The following CCDC102A variants were observed in gnomAD, a reference collection of about 807,000 sequenced individuals.
CCDC102A encodes coiled-coil domain containing 102A.
CCDC102A carries 40 observed loss-of-function variants against 55.5 expected under a neutral mutation model. The ratio of observed to expected loss-of-function variants is 0.72; its 90% CI spans 0.56 to 0.94. The LOEUF (loss-of-function observed/expected upper bound fraction) is 0.94, where lower values mean the gene tolerates loss of function less well. Ranked by LOEUF, CCDC102A falls within the 40% of genes least tolerant of loss-of-function variation. CCDC102A has a pLI of 0.00. For missense variants in CCDC102A, 779 were observed against 768.6 expected, an observed-to-expected ratio of 1.01 and a Z score of -0.16; for synonymous variants, 323 against 339.0, an observed-to-expected ratio of 0.95 and a Z score of 0.52.
In CCDC102A at chr16:57,526,041, GC is replaced by G; in HGVS notation, c.671del (p.Gly224AlafsTer29). 3 of 1,594,474 alleles carry G rather than the reference GC, an allele frequency of 1.9e-6. No individual in the cohort carries two copies. The highest frequency in any genetic ancestry group is 1.8e-5 in the Admixed American group (1 of 56,530). On this transcript the variant is annotated frameshift_variant, in exon 3 of 9. Coordinates refer to ENST00000258214, the MANE Select transcript of CCDC102A (RefSeq NM_033212.4). LOFTEE classifies it high-confidence loss of function. ...CCTGGCGGCCTGAGCTGCCCCGCGGGCCCCCAGCCCCCAGGCTGCGCGCCTC... is the reference window on the plus strand; with the variant it reads ...CCTGGCGGCCTGAGCTGCCCCGCGGGCCCCAGCCCCCAGGCTGCGCGCCTC... ...CWEARSLGAG[G>X]PRGSSGRQER...
At position 57,526,038 on chromosome 16, in the gene CCDC102A, C is replaced by T. The variant is rs780894132; in HGVS notation, c.675G>A (p.Pro225=). Residue 225 remains proline, a synonymous_variant, in exon 3 of 9, where the codon CCG becomes CCA. Coordinates refer to ENST00000258214, the MANE Select transcript of CCDC102A (RefSeq NM_033212.4). The part of the protein sequence containing the change: ...WEARSLGAGG[P]RGSSGRQERS... ...GCTCCTGGCGGCCTGAGCTGCCCCGCGGGCCCCCAGCCCCCAGGCTGCGCG... is the reference window on the plus strand; with the variant it reads ...GCTCCTGGCGGCCTGAGCTGCCCCGTGGGCCCCCAGCCCCCAGGCTGCGCG... 36 of 1,596,886 alleles carry T rather than the reference C, an allele frequency of 2.3e-5. No homozygotes were observed. The highest frequency in any genetic ancestry group is 2.7e-5 in the African/African-American group (2 of 74,306).
In CCDC102A at chr16:57,515,564, G is replaced by A. The variant is rs2031941909; in HGVS notation, c.1420-120C>T. The A allele has an allele frequency of 4.3e-6, 3 of 689,870 alleles. No homozygotes were observed. In the East Asian group the frequency reaches 8.1e-5, roughly 19 times the overall value. The allele number at this position is 689,870 out of a possible 1,614,324, so 42.7% of individuals were successfully genotyped here. A position where few individuals can be genotyped will look rare whatever the true frequency, so the allele number is the denominator to read the frequency against. ...GGAAGGTGCTCCTCCGAGAGTGTTT[G>A]CTCCTTGAGGCCTAGGCTAAGGCTT... On this transcript the variant is annotated intron_variant, in intron 7 of 8. Coordinates refer to ENST00000258214, the MANE Select transcript of CCDC102A (RefSeq NM_033212.4).
intron 3 of CCDC102A, among the ~76,000 whole-genome samples, chr16:57,521,835 G>A (rs1287103491): frequency 1.3e-5 from 2 of 152,170 alleles, no homozygotes; most frequent in African/African-American, 4.8e-5. Context: ...CTTCCAGCAC[G>A]CTGCCCTTCA....
At chr16:57,517,891 A>G (rs1193482214) in intron 6 of CCDC102A, among the ~76,000 whole-genome samples, 177 bp downstream of exon 6, 2 of 152,372 alleles carry the variant, frequency 1.3e-5, no homozygotes, top group South Asian at 4.1e-4. Flanking sequence ...AGCTTGGCAC[A>G]TAGTAAGTGC....
At chr16:57,526,839 T>G (rs1426498986) in intron 2 of CCDC102A, among the ~76,000 whole-genome samples, 3 of 152,170 alleles carry the variant, frequency 2.0e-5, no homozygotes, top group African/African-American at 4.8e-5. Flanking sequence ...GAGTGAGAGC[T>G]ACTCTTCTGT....
At position 57,512,798 on chromosome 16, in the gene CCDC102A, G is replaced by C. The variant is rs535657917; in HGVS notation, c.1596C>G (p.Ala532=). ...CGTCCAGGTCACTGGTTCCATCCTC[G>C]GCCTCCTCGGTGCCAAAGCGAGCAC... ...IRSARFGTEE[A]EDGTSDLDED... is the part of the protein sequence containing the mutation. The change falls in exon 9 of 9, where the codon GCC becomes GCG. Residue 532 remains alanine, a synonymous_variant. Coordinates refer to ENST00000258214, the MANE Select transcript of CCDC102A (RefSeq NM_033212.4). 1.4e-5 allele frequency: 23 copies of C among 1,613,958 alleles called. No homozygotes were observed. Among genetic ancestry groups the C allele is most frequent in the Non-Finnish European group, 1.9e-5 (22 of 1,179,962 alleles).
chr16:57,512,599 G>A lies in CCDC102A; in HGVS notation c.*142C>T, dbSNP rs1230571611. On this transcript the variant is annotated 3_prime_UTR_variant, in exon 9 of 9. Coordinates refer to ENST00000258214, the MANE Select transcript of CCDC102A (RefSeq NM_033212.4). ...GGCGTTGGTAGGTGGGACTGTTGAC[G>A]CCATCCCTGGGAGAGAAGAAAGTCG... is the stretch of plus-strand genomic sequence containing the variant. 19 of 1,027,188 alleles carry A rather than the reference G, an allele frequency of 1.8e-5. No homozygotes were observed. Among genetic ancestry groups the A allele is most frequent in the South Asian group, 8.4e-5 (5 of 59,752 alleles). 63.6% of individuals were successfully genotyped at this position (1,027,188 alleles called of 1,614,324 possible). A position where few individuals can be genotyped will look rare whatever the true frequency, so the allele number is the denominator to read the frequency against.
In CCDC102A at chr16:57,528,835, G is replaced by A. The variant is rs752967457; in HGVS notation, c.343C>T (p.Arg115Cys). 5.4e-6 allele frequency: 7 copies of A among 1,295,388 alleles called. No homozygotes were observed. Among genetic ancestry groups the A allele is most frequent in the Non-Finnish European group, 6.9e-6 (7 of 1,010,474 alleles). 80.2% of individuals were successfully genotyped at this position (1,295,388 alleles called of 1,614,324 possible). A position where few individuals can be genotyped will look rare whatever the true frequency, so the allele number is the denominator to read the frequency against. ...CGCACCTCCTCGCGCGCGCGGTTGC[G>A]CTCAGCGCGCACCTTGCTCCATTTC... ...REKWSKVRAERNRAREEVRQL... is the reference protein window; with the variant it reads ...REKWSKVRAECNRAREEVRQL... The change falls in exon 2 of 9, where the codon CGC (arginine) becomes TGC (cysteine). Residue 115 changes from arginine (R) to cysteine (C), a missense_variant. Arg to Cys is a radical substitution (Grantham distance 180). Coordinates refer to ENST00000258214, the MANE Select transcript of CCDC102A (RefSeq NM_033212.4).
chr16:57,528,844 G>T lies in CCDC102A; in HGVS notation c.334C>A (p.Arg112Ser). ...ANWREKWSKV[R>S]AERNRAREEV... ...TCGCGCGCGCGGTTGCGCTCAGCGC[G>T]CACCTTGCTCCATTTCTCGCGCCAA... Residue 112 changes from arginine (R) to serine (S), a missense_variant, in exon 2 of 9, where the codon CGC (arginine) becomes AGC (serine). Transcript: ENST00000258214. 1 of 1,327,526 alleles carries T rather than the reference G, an allele frequency of 7.5e-7. No individual in the cohort carries two copies. The highest frequency in any genetic ancestry group is 9.7e-7 in the Non-Finnish European group (1 of 1,029,176). The allele number at this position is 1,327,526 out of a possible 1,614,324, so 82.2% of individuals were successfully genotyped here.
chr16:57,530,684 G>A (rs1157080923), intron 1 of CCDC102A, among the ~76,000 whole-genome samples: 1 of 152,050 alleles, frequency 6.6e-6, no homozygotes, highest in Non-Finnish European at 1.5e-5. Flanking sequence ...CCTTCCTTGA[G>A]CCGAAGGCCT....
At chr16:57,527,411 G>T (rs1044921505) in intron 2 of CCDC102A, among the ~76,000 whole-genome samples, 1 of 127,448 alleles carries the variant, frequency 7.8e-6, no homozygotes, top group Non-Finnish European at 1.6e-5. Flanking sequence ...GGCAGACATT[G>T]CTGCTGCTTT....
At position 57,528,649 on chromosome 16, in the gene CCDC102A, C is replaced by A; in HGVS notation, c.529G>T (p.Glu177Ter). 8.4e-7 allele frequency: 1 copy of A among 1,196,558 alleles called. No individual in the cohort carries two copies. The highest frequency in any genetic ancestry group is 1.0e-6 in the Non-Finnish European group (1 of 959,168). The allele number at this position is 1,196,558 out of a possible 1,614,324, so 74.1% of individuals were successfully genotyped here. ...TCACGCACTGGCTCGCGCTCCGCTT[C>A]CGGCTCGGGGCCGTCGCGCGTCTGG... ...ADQTRDGPEP[E>*]AEREPVRDVG... Residue 177 changes from glutamate (E) to a stop codon, truncating the protein, a stop_gained, in exon 2 of 9, where the codon GAA (glutamate) becomes TAA (stop). Transcript: ENST00000258214. LOFTEE classifies it high-confidence loss of function.
At chr16:57,521,844 C>T (rs2032057013) in intron 3 of CCDC102A, among the ~76,000 whole-genome samples, 1 of 152,240 alleles carries the variant, frequency 6.6e-6, no homozygotes, top group African/African-American at 2.4e-5. Context: ...CGCTGCCCTT[C>T]ATGACCCCAC....
At position 57,528,527 on chromosome 16, in the gene CCDC102A, A is replaced by G. The variant is rs1226461999; in HGVS notation, c.585+66T>C. 9 of 1,059,994 alleles carry G rather than the reference A, an allele frequency of 8.5e-6. No homozygotes were observed. In the South Asian group the frequency reaches 1.5e-4, roughly 18 times the overall value. 65.7% of individuals were successfully genotyped at this position (1,059,994 alleles called of 1,614,324 possible). A position where few individuals can be genotyped will look rare whatever the true frequency, so the allele number is the denominator to read the frequency against. On this transcript the variant is annotated intron_variant, in intron 2 of 8. Coordinates refer to ENST00000258214, the MANE Select transcript of CCDC102A (RefSeq NM_033212.4). ...TTACTAGCTTGTTTCTGAGCCCAGC[A>G]GCTCAGGACAATCGGCCCCGCCCAC... is the stretch of plus-strand genomic sequence containing the variant.
chr16:57,520,375 C>T (rs894024836), intron 4 of CCDC102A, among the ~76,000 whole-genome samples: 1 of 152,088 alleles, frequency 6.6e-6, no homozygotes, highest in African/African-American at 2.4e-5. Flanking sequence ...CTTCTTAGGC[C>T]TTCCCTGACC....
At chr16:57,530,787 T>G (rs1361492071) in intron 1 of CCDC102A, among the ~76,000 whole-genome samples, 1 of 151,912 alleles carries the variant, frequency 6.6e-6, no homozygotes, top group Non-Finnish European at 1.5e-5. Context: ...TCCCCTCCCC[T>G]GGCACCTCCC....
chr16:57,536,367 G>T (rs1298391141), intron 1 of CCDC102A, 133 bp downstream of exon 1: 1 of 152,214 alleles, frequency 6.6e-6, no homozygotes, highest in Non-Finnish European at 1.5e-5. Flanking sequence ...GTTGCCGCGG[G>T]CGCCCCGACT....
At chr16:57,524,192 C>T (rs1567603924) in intron 3 of CCDC102A, among the ~76,000 whole-genome samples, 2 of 151,990 alleles carry the variant, frequency 1.3e-5, no homozygotes, top group Non-Finnish European at 2.9e-5. Context: ...CAGACAGGAG[C>T]AGGGTGGTCT....
rs768977554 is a variant in CCDC102A, at chr16:57,518,650, C to T, written c.1013G>A (p.Arg338Gln). Residue 338 changes from arginine to glutamine, a missense_variant, in exon 5 of 9, where the codon CGG (arginine) becomes CAG (glutamine). Transcript: ENST00000258214. ...CTCGCCCCTCAGCTCGGCCATTTTC[C>T]GGTCCATGCTGGAGCGTGCACCGAG... ...DELGARSSMD[R>Q]KMAELRGEME... 18 of 1,613,702 alleles carry T rather than the reference C, an allele frequency of 1.1e-5. No individual in the cohort carries two copies. In the Middle Eastern group the frequency reaches 6.6e-4, roughly 59 times the overall value.
Sources: gnomAD v4.1 joint callset for allele counts (sites outside exome capture counted in the v4.1 genomes callset) on GRCh38, gnomAD v4.1.1 for gene constraint, MANE v1.5 for transcripts, NCBI Gene and HGNC (gene_info 2026-07-23, HGNC 2026-07-21) for gene names.